The following SIK3 variants were observed in gnomAD, a reference collection of about 807,000 sequenced individuals.
SIK3 encodes the protein SIK family kinase 3.
SIK3 carries 28 observed loss-of-function variants against 144.2 expected under a neutral mutation model. The ratio of observed to expected loss-of-function variants is 0.19; its 90% CI spans 0.14 to 0.27. The LOEUF (loss-of-function observed/expected upper bound fraction) is 0.27, where lower values mean the gene tolerates loss of function less well. SIK3 is among the 10% of genes least tolerant of loss of function. SIK3 has a pLI of 1.00. For missense variants in SIK3, 1,319 were observed against 1,776.0 expected, an observed-to-expected ratio of 0.74 and a Z score of 4.62; for synonymous variants, 686 against 676.3, an observed-to-expected ratio of 1.01 and a Z score of -0.22.
At chr11:117,087,590 A>G (rs1331443870) in intron 1 of SIK3, among the ~76,000 whole-genome samples, 2 of 152,184 alleles carry the variant, frequency 1.3e-5, no homozygotes, top group Non-Finnish European at 2.9e-5. Flanking sequence ...GAGACTTAAA[A>G]GCCCTACACC....
intron 1 of SIK3, among the ~76,000 whole-genome samples, chr11:117,038,943 G>C (rs752826969): frequency 1.2e-4 from 18 of 151,902 alleles, no homozygotes; most frequent in Non-Finnish European, 1.9e-4. Context: ...CCAGCTACTC[G>C]GGAGGCTGAG....
chr11:116,983,072 A>C (rs1391250148), intron 1 of SIK3, among the ~76,000 whole-genome samples: 4 of 152,024 alleles, frequency 2.6e-5, no homozygotes, highest in African/African-American at 7.2e-5. Flanking sequence ...ATTGAAATAT[A>C]AAAAATTAGC....
chr11:117,023,621 A>AAAAAAATATATATATATATATATATAT (rs754624841), intron 1 of SIK3, among the ~76,000 whole-genome samples: 1 of 95,418 alleles, frequency 1.0e-5, no homozygotes, highest in Non-Finnish European at 2.1e-5. Context: ...AAAAAAAAAA[A>AAAAAAATATATATATATATATATATAT]ATATATATAT....
At chr11:116,995,333 G>C (rs1278868383) in intron 1 of SIK3, among the ~76,000 whole-genome samples, 1 of 150,126 alleles carries the variant, frequency 6.7e-6, no homozygotes, top group Non-Finnish European at 1.5e-5. Context: ...GCGTGATCTT[G>C]GCTCATTGCA....
At chr11:116,874,412 G>A (rs1414718361) in intron 11 of SIK3, among the ~76,000 whole-genome samples, 1 of 152,216 alleles carries the variant, frequency 6.6e-6, no homozygotes, top group East Asian at 1.9e-4. Flanking sequence ...ATGGCTGCCT[G>A]AAGTAGCAAC....
intron 21 of SIK3, among the ~76,000 whole-genome samples, chr11:116,856,316 T>A (rs1942926874): frequency 6.6e-6 from 1 of 152,012 alleles, no homozygotes; most frequent in Admixed American, 6.5e-5. Flanking sequence ...CATACCATTA[T>A]CCCACCTCTG....
chr11:117,023,362 A>G (rs573745909), intron 1 of SIK3, among the ~76,000 whole-genome samples: 70 of 151,512 alleles, frequency 4.6e-4, no homozygotes, highest in African/African-American at 1.5e-3. Flanking sequence ...GTTTTCATTA[A>G]CTGAACTAAT....
chr11:116,933,448 C>T (rs542517243), intron 3 of SIK3, among the ~76,000 whole-genome samples: 1 of 152,278 alleles, frequency 6.6e-6, no homozygotes, highest in East Asian at 1.9e-4. Context: ...CCCATTTGCT[C>T]CTTTTTACTG....
At chr11:116,949,285 C>G (rs914582124) in intron 3 of SIK3, among the ~76,000 whole-genome samples, 1 of 152,220 alleles carries the variant, frequency 6.6e-6, no homozygotes, top group African/African-American at 2.4e-5. Flanking sequence ...TCCTCTGGAA[C>G]AGGCAGCTTC....
chr11:117,012,477 A>G (rs1951304518), intron 1 of SIK3, among the ~76,000 whole-genome samples: 2 of 152,126 alleles, frequency 1.3e-5, no homozygotes, highest in Non-Finnish European at 2.9e-5. Context: ...GGCTTTCCAT[A>G]CTTTAACTTC....
chr11:116,849,287 A>G lies in SIK3; in HGVS notation c.3656-4T>C, dbSNP rs1224213543. Reference sequence around the variant, plus strand: ...ATGCAGTTCCCTATGACAGGCTCTGAGGAGACACAGCAGAATAGAGTCAGT... The same window carrying G: ...ATGCAGTTCCCTATGACAGGCTCTGGGGAGACACAGCAGAATAGAGTCAGT... On this transcript the variant is annotated splice_region_variant and splice_polypyrimidine_tract_variant and intron_variant, in intron 21 of 24. Transcript: ENST00000445177. This position sits in a 1 kb window ranked among gnomAD's most constrained non-coding sequence, Gnocchi z 4.2. The G allele has an allele frequency of 2.5e-6, 4 of 1,614,108 alleles. No individual in the cohort carries two copies. The highest frequency in any genetic ancestry group is 3.4e-6 in the Non-Finnish European group (4 of 1,179,986).
At chr11:117,032,074 A>C (rs1952286853) in intron 1 of SIK3, among the ~76,000 whole-genome samples, 1 of 152,198 alleles carries the variant, frequency 6.6e-6, no homozygotes, top group African/African-American at 2.4e-5. Flanking sequence ...AATCTTGATT[A>C]CTGGAGCTAT....
intron 1 of SIK3, among the ~76,000 whole-genome samples, chr11:117,014,815 T>C (rs2135706434): frequency 6.6e-6 from 1 of 152,320 alleles, no homozygotes; most frequent in South Asian, 2.1e-4. Flanking sequence ...CTGGAATCTC[T>C]CACTTTAGGA....
chr11:117,027,160 C>T (rs1952045609), intron 1 of SIK3, among the ~76,000 whole-genome samples: 1 of 152,122 alleles, frequency 6.6e-6, no homozygotes, highest in Admixed American at 6.5e-5. Context: ...TTTAAATGCT[C>T]AATCTACCCA....
intron 6 of SIK3, among the ~76,000 whole-genome samples, chr11:116,892,421 A>G (rs1341438367): frequency 1.3e-5 from 2 of 152,262 alleles, no homozygotes; most frequent in African/African-American, 4.8e-5. Context: ...ACCTGAAGAG[A>G]CACCTCAACA....
intron 16 of SIK3, among the ~76,000 whole-genome samples, chr11:116,863,376 G>A (rs1032338581): frequency 6.6e-6 from 1 of 152,082 alleles, no homozygotes; most frequent in Non-Finnish European, 1.5e-5. Flanking sequence ...TCAGCCTCAG[G>A]AGTAGCTGGG....
At chr11:116,940,465 A>C (rs1046358661) in intron 3 of SIK3, among the ~76,000 whole-genome samples, 1 of 152,034 alleles carries the variant, frequency 6.6e-6, no homozygotes, top group Non-Finnish European at 1.5e-5. Flanking sequence ...TCCTGATCTC[A>C]AGTGATCTGC....
chr11:116,952,809 G>A (rs1948990181), intron 3 of SIK3, among the ~76,000 whole-genome samples: 1 of 152,056 alleles, frequency 6.6e-6, no homozygotes, highest in Admixed American at 6.6e-5. Flanking sequence ...GCACATGATT[G>A]GCATATAATT....
intron 14 of SIK3, chr11:116,868,686 G>C (rs1000276117): frequency 6.6e-6 from 1 of 152,664 alleles, no homozygotes; most frequent in Admixed American, 6.5e-5. Flanking sequence ...TTGTCCTTGG[G>C]GAACCAACAT....
Sources: allele counts gnomAD v4.1 joint callset (sites outside exome capture counted in the v4.1 genomes callset), GRCh38; gene constraint gnomAD v4.1.1; non-coding constraint Gnocchi (gnomAD v3.1); transcripts MANE v1.5; gene names NCBI Gene and HGNC (gene_info 2026-07-23, HGNC 2026-07-21).